KCNMB2: variants seen among roughly 807,000 people sequenced by gnomAD.
KCNMB2 encodes potassium calcium-activated channel subfamily M regulatory beta subunit 2.
In KCNMB2, 9 loss-of-function variants were observed where a neutral mutation model predicts 24.5. The observed-to-expected ratio is 0.37, with a 90% CI of 0.22 to 0.64. The LOEUF is 0.64. Among genes scored for constraint, KCNMB2 ranks in the 30% least tolerant of loss-of-function variants. KCNMB2 has a pLI of 0.63. For synonymous variants in KCNMB2, 109 were observed against 104.4 expected (o/e 1.04, Z -0.27); for missense variants, 226 against 284.3 (o/e 0.79, Z 1.47).
At chr3:178,710,538 C>T (rs995114258) in intron 1 of KCNMB2, among the ~76,000 whole-genome samples, 1 of 152,138 alleles carries the variant, frequency 6.6e-6, no homozygotes, top group African/African-American at 2.4e-5. Context: ...TCCTCCCCAA[C>T]CTATAGGAAC....
chr3:178,735,879 A>G (rs952261981), intron 1 of KCNMB2, among the ~76,000 whole-genome samples: 1 of 152,240 alleles, frequency 6.6e-6, no homozygotes, highest in Non-Finnish European at 1.5e-5. Context: ...AATAGCACAG[A>G]GGGACAGAGA....
chr3:178,710,147 T>C (rs994679133), intron 1 of KCNMB2, among the ~76,000 whole-genome samples: 8 of 152,080 alleles, frequency 5.3e-5, no homozygotes, highest in Non-Finnish European at 1.2e-4. Context: ...ACTATATTAA[T>C]TTAGTTAATA....
intron 1 of KCNMB2, among the ~76,000 whole-genome samples, chr3:178,582,418 G>A (rs1717248439): frequency 2.6e-5 from 4 of 152,082 alleles, no homozygotes; most frequent in Non-Finnish European, 2.9e-5. Flanking sequence ...TAGGTGACAG[G>A]TTGATGGGTA....
At chr3:178,771,335 C>T (rs539339589) in intron 1 of KCNMB2, among the ~76,000 whole-genome samples, 53 of 152,222 alleles carry the variant, frequency 3.5e-4, no homozygotes, top group Admixed American at 1.3e-3. Flanking sequence ...TTAAAAGTGA[C>T]GTTGATCATG....
intron 1 of KCNMB2, among the ~76,000 whole-genome samples, chr3:178,600,710 G>A (rs1358001067): frequency 1.3e-5 from 2 of 152,130 alleles, no homozygotes; most frequent in African/African-American, 2.4e-5. Context: ...TTAATGAGGT[G>A]ATTTTGTTGG....
intron 1 of KCNMB2, among the ~76,000 whole-genome samples, chr3:178,705,547 T>C (rs1722249120): frequency 6.6e-6 from 1 of 152,146 alleles, no homozygotes; most frequent in Non-Finnish European, 1.5e-5. Flanking sequence ...TACAGAAATG[T>C]TGTTCAAATT....
At chr3:178,749,264 G>A (rs1316922338) in intron 1 of KCNMB2, 2 of 152,136 alleles carry the variant, frequency 1.3e-5, no homozygotes, top group Non-Finnish European at 2.9e-5. Flanking sequence ...ATAAATAAAT[G>A]TTATTGCTTT....
At chr3:178,602,096 C>A (rs1718102078) in intron 1 of KCNMB2, among the ~76,000 whole-genome samples, 1 of 152,070 alleles carries the variant, frequency 6.6e-6, no homozygotes, top group South Asian at 2.1e-4. Context: ...CAGGATAATA[C>A]CCTAATATCA....
chr3:178,729,341 T>C (rs1426714838), intron 1 of KCNMB2: 1 of 152,172 alleles, frequency 6.6e-6, no homozygotes, highest in East Asian at 1.9e-4. Flanking sequence ...CTCACAGTAT[T>C]GATTAGGAAG....
At position 178,796,923 on chromosome 3, in the gene KCNMB2, A is replaced by C. The variant is rs151086014; in HGVS notation, c.-67-10420A>C. 2.8e-3 allele frequency among the ~76,000 whole-genome samples: 427 copies of C among 152,198 alleles called. 3 individuals carry two copies. The highest frequency in any genetic ancestry group is 9.9e-3 in the African/African-American group (413 of 41,576). On this transcript the variant is annotated intron_variant, in intron 1 of 4. Transcript: ENST00000452583. ...AGCAGAAATAAAGAAATTGAAATGA[A>C]GGAAAACAATACAAAAGATCAATGA...
chr3:178,595,111 G>C (rs1717822127), intron 1 of KCNMB2, among the ~76,000 whole-genome samples: 1 of 146,004 alleles, frequency 6.8e-6, no homozygotes, highest in South Asian at 2.2e-4. Flanking sequence ...TCAACTGTTA[G>C]ATGGCTATCA....
intron 1 of KCNMB2, among the ~76,000 whole-genome samples, chr3:178,764,720 AT>A (rs918627763): frequency 6.6e-5 from 10 of 152,208 alleles, no homozygotes; most frequent in African/African-American, 2.4e-4. Context: ...GACTGGTGTG[AT>A]TGCAAGAACA....
At chr3:178,641,557 C>T (rs1318054751) in intron 1 of KCNMB2, among the ~76,000 whole-genome samples, 1 of 151,866 alleles carries the variant, frequency 6.6e-6, no homozygotes, top group Non-Finnish European at 1.5e-5. Flanking sequence ...TGATTTATTC[C>T]AGGAGGGTTT....
intron 1 of KCNMB2, among the ~76,000 whole-genome samples, chr3:178,554,583 A>C (rs921029238): frequency 1.3e-5 from 2 of 152,208 alleles, no homozygotes; most frequent in Non-Finnish European, 2.9e-5. Context: ...CTTGCAAATT[A>C]ATTTAATTCA....
intron 1 of KCNMB2, among the ~76,000 whole-genome samples, chr3:178,562,357 C>T (rs778017109): frequency 1.1e-4 from 16 of 152,058 alleles, no homozygotes; most frequent in African/African-American, 1.7e-4. Context: ...GCCAAGACTG[C>T]GTAATTAAGG....
At chr3:178,807,253 C>A (rs1391870561) in intron 1 of KCNMB2, 90 bp from the exon 2 acceptor site, 2 of 548,400 alleles carry the variant, frequency 3.6e-6, no homozygotes, top group East Asian at 3.0e-5. Flanking sequence ...AAAACCACTG[C>A]CCCTATGGAA....
intron 1 of KCNMB2, among the ~76,000 whole-genome samples, chr3:178,777,337 G>A (rs939208563): frequency 5.9e-5 from 9 of 152,136 alleles, no homozygotes; most frequent in African/African-American, 1.9e-4. Context: ...CAGAGGCTGA[G>A]GCAGGAGAAT....
intron 1 of KCNMB2, among the ~76,000 whole-genome samples, chr3:178,775,487 T>C (rs545393630): frequency 6.6e-6 from 1 of 152,352 alleles, no homozygotes; most frequent in East Asian, 1.9e-4. Flanking sequence ...GAATTTTAAC[T>C]ATCTTTTTAC....
rs2108481465 is a variant in KCNMB2 at position 178,842,971 on chromosome 3, C to T, written c.*34C>T. The stretch of plus-strand genomic sequence containing the variant: ...ATGGATAAAATAATTTTTGTTAAAG[C>T]TCAAATACTGTTTTCTTTCATTCTT... On this transcript the variant is annotated 3_prime_UTR_variant, in exon 5 of 5. Transcript: ENST00000452583. 6.5e-7 allele frequency: 1 copy of T among 1,548,986 alleles called. No homozygotes were observed. Among genetic ancestry groups the T allele is most frequent in the African/African-American group, 1.4e-5 (1 of 73,044 alleles).
Sources: allele counts gnomAD v4.1 joint callset (sites outside exome capture counted in the v4.1 genomes callset), GRCh38; gene constraint gnomAD v4.1.1; transcripts MANE v1.5; gene names NCBI Gene and HGNC (gene_info 2026-07-23, HGNC 2026-07-21).